RTL4: variants seen among roughly 807,000 people sequenced by gnomAD.
RTL4 encodes the protein retrotransposon Gag like 4.
In RTL4, 4 loss-of-function variants were observed where a neutral mutation model predicts 5.3. The ratio of observed to expected loss-of-function variants is 0.75; its 90% CI spans 0.37 to 1.72. The LOEUF (loss-of-function observed/expected upper bound fraction) is 1.72. Ranked by LOEUF, RTL4 falls within the 40% of genes most tolerant of loss-of-function variation. The pLI, the probability that RTL4 is intolerant of heterozygous loss-of-function variation, is 0.04. For missense variants in RTL4, 260 were observed against 227.1 expected (o/e 1.14, Z -0.93); for synonymous variants, 98 against 87.3 (o/e 1.12, Z -0.68).
the RTL4 span, among the ~76,000 whole-genome samples, chrX:112,182,616 A>C: frequency 8.9e-6 from 1 of 111,891 alleles, no homozygotes; most frequent in Non-Finnish European, 1.9e-5. Context: ...AAGATTAGAC[A>C]AAAAAAGAAT....
At chrX:112,083,323 G>C in the RTL4 span, among the ~76,000 whole-genome samples, 2 of 112,442 alleles carry the variant, frequency 1.8e-5, no homozygotes, top group Non-Finnish European at 3.8e-5. Flanking sequence ...GCCCACCCCC[G>C]TCAGCCTGGG....
At chrX:112,444,839 G>A in the RTL4 span, among the ~76,000 whole-genome samples, 3 of 111,744 alleles carry the variant, frequency 2.7e-5, no homozygotes, top group East Asian at 2.8e-4. Context: ...GAATTTCCAC[G>A]ATATCAGTTG....
the RTL4 span, among the ~76,000 whole-genome samples, chrX:112,226,971 T>TAAAATAAAACAA: frequency 1.3e-5 from 1 of 74,910 alleles, no homozygotes; most frequent in African/African-American, 4.7e-5. Context: ...TAAAATAAAA[T>TAAAATAAAACAA]AATAAAATAA....
chrX:112,338,651 C>A, the RTL4 span, among the ~76,000 whole-genome samples: 1 of 111,650 alleles, frequency 9.0e-6, no homozygotes, highest in Non-Finnish European at 1.9e-5. Flanking sequence ...GACAGATGAG[C>A]AAACCTGAGG....
chrX:112,302,576 A>T, the RTL4 span, among the ~76,000 whole-genome samples: 2 of 112,397 alleles, frequency 1.8e-5, no homozygotes, highest in African/African-American at 6.5e-5. Flanking sequence ...TGTAAATTGT[A>T]CTCATTAAGT....
At chrX:112,181,926 G>A in the RTL4 span, among the ~76,000 whole-genome samples, 4 of 111,421 alleles carry the variant, frequency 3.6e-5, no homozygotes, top group Admixed American at 9.5e-5. Context: ...ACTTCATACA[G>A]GAGAGATCTA....
chrX:112,162,633 A>G, the RTL4 span, among the ~76,000 whole-genome samples: 4 of 112,083 alleles, frequency 3.6e-5, no homozygotes, highest in Non-Finnish European at 7.5e-5. Flanking sequence ...GGATAAGACT[A>G]AGGGCAAAAT....
At chrX:112,231,082 T>C in the RTL4 span, among the ~76,000 whole-genome samples, 20 of 110,525 alleles carry the variant, frequency 1.8e-4, no homozygotes, top group Admixed American at 1.3e-3. Context: ...CAACAGGTGC[T>C]GGAGAGGATG....
At chrX:112,158,467 G>GAT in the RTL4 span, among the ~76,000 whole-genome samples, 240 of 107,333 alleles carry the variant, frequency 2.2e-3, 2 homozygotes, top group African/African-American at 7.6e-3. Flanking sequence ...ATATATATAT[G>GAT]ATATATATAT....
chrX:112,173,006 G>T, the RTL4 span, among the ~76,000 whole-genome samples: 1 of 106,593 alleles, frequency 9.4e-6, no homozygotes, highest in Non-Finnish European at 1.9e-5. Context: ...GGGCCTGTTG[G>T]GGGGGTCGGG....
the RTL4 span, among the ~76,000 whole-genome samples, chrX:112,188,179 C>T: frequency 9.0e-6 from 1 of 111,283 alleles, no homozygotes. Context: ...TGTTTAAATA[C>T]TTAAGCTCAA....
chrX:112,328,516 G>A, the RTL4 span, among the ~76,000 whole-genome samples: 4 of 111,363 alleles, frequency 3.6e-5, no homozygotes, highest in East Asian at 1.1e-3. Context: ...AGCAAGTCCT[G>A]AGTGACCTAC....
At chrX:112,123,982 A>T in the RTL4 span, among the ~76,000 whole-genome samples, 1 of 111,279 alleles carries the variant, frequency 9.0e-6, no homozygotes, top group Non-Finnish European at 1.9e-5. Context: ...CCTTAAACAA[A>T]TTTACAAGAA....
chrX:112,322,723 T>G, the RTL4 span, among the ~76,000 whole-genome samples: 11 of 111,750 alleles, frequency 9.8e-5, no homozygotes, highest in Non-Finnish European at 1.9e-4. Context: ...TCTTTGACAC[T>G]GTTTCATGCT....
chrX:112,393,597 C>G, the RTL4 span, among the ~76,000 whole-genome samples: 1 of 111,950 alleles, frequency 8.9e-6, no homozygotes, highest in African/African-American at 3.3e-5. Flanking sequence ...ACCTTGTTTT[C>G]ATAGATCAAA....
At chrX:112,241,373 A>G in the RTL4 span, among the ~76,000 whole-genome samples, 1 of 111,361 alleles carries the variant, frequency 9.0e-6, no homozygotes, top group Non-Finnish European at 1.9e-5. Flanking sequence ...TGACTTTTTA[A>G]TGATCGCCAT....
the RTL4 span, among the ~76,000 whole-genome samples, chrX:112,148,869 C>T: frequency 1.8e-5 from 2 of 111,708 alleles, no homozygotes; most frequent in Non-Finnish European, 3.8e-5. Flanking sequence ...ACTTCTTTTA[C>T]CTGTGCCAGA....
At chrX:112,129,805 A>G in the RTL4 span, among the ~76,000 whole-genome samples, 1 of 112,230 alleles carries the variant, frequency 8.9e-6, no homozygotes, top group Non-Finnish European at 1.9e-5. Flanking sequence ...GAATTTAGCA[A>G]GGGTACAGGA....
chrX:112,435,655 G>C, the RTL4 span, among the ~76,000 whole-genome samples: 17 of 111,763 alleles, frequency 1.5e-4, no homozygotes, highest in Non-Finnish European at 1.5e-4. Context: ...AGTTCAGAAG[G>C]TAAAGCTCAA....
Sources: gnomAD v4.1 joint callset for allele counts (sites outside exome capture counted in the v4.1 genomes callset) on GRCh38, gnomAD v4.1.1 for gene constraint, MANE v1.5 for transcripts, NCBI Gene and HGNC (gene_info 2026-07-23, HGNC 2026-07-21) for gene names.